The following NDE1 variants were observed in gnomAD, a reference collection of about 807,000 sequenced individuals.
NDE1 encodes nuclear distribution protein nudE homolog 1.
A neutral mutation model predicts 43.4 loss-of-function variants in NDE1; 28 were observed. The ratio of observed to expected loss-of-function variants is 0.65; its 90% CI spans 0.48 to 0.89. NDE1 has a LOEUF of 0.89. Among genes scored for constraint, NDE1 ranks in the 40% least tolerant of loss-of-function variants. NDE1 has a pLI of 0.00. For missense variants in NDE1, 441 were observed against 434.1 expected, an observed-to-expected ratio of 1.02 and a Z score of -0.14; for synonymous variants, 184 against 172.0, an observed-to-expected ratio of 1.07 and a Z score of -0.55.
chr16:15,676,297 C>T (rs2037877783), intron 3 of NDE1, among the ~76,000 whole-genome samples: 2 of 150,096 alleles, frequency 1.3e-5, no homozygotes, highest in African/African-American at 4.9e-5. Context: ...GCAACCTCCG[C>T]CTCCCGTGTT....
intron 8 of NDE1, among the ~76,000 whole-genome samples, chr16:15,722,596 G>A: frequency 6.6e-6 from 1 of 152,180 alleles, no homozygotes; most frequent in East Asian, 1.9e-4. Context: ...ACGAAGCATT[G>A]AAGATGAGCT....
intron 1 of NDE1, among the ~76,000 whole-genome samples, chr16:15,654,472 G>T (rs1370257993): frequency 1.3e-5 from 2 of 151,598 alleles, no homozygotes; most frequent in Non-Finnish European, 2.9e-5. Context: ...GTGGTGGCAT[G>T]CACCTGTAAT....
chr16:15,720,861 T>C (rs777737226), intron 8 of NDE1: 1 of 1,613,832 alleles, frequency 6.2e-7, no homozygotes, highest in African/African-American at 1.3e-5. Context: ...TTGCCTCCTC[T>C]TCTCCTCATT....
intron 1 of NDE1, among the ~76,000 whole-genome samples, chr16:15,663,428 G>C (rs561642708): frequency 6.6e-6 from 1 of 151,620 alleles, no homozygotes; most frequent in South Asian, 2.1e-4. Flanking sequence ...TTTTTTAGTA[G>C]AGACGGAGTT....
At position 15,718,306 on chromosome 16, in the gene NDE1, G is replaced by T. The variant is rs199798923; in HGVS notation, c.948-5885G>T. 8.1e-6 allele frequency: 13 copies of T among 1,608,136 alleles called. No individual in the cohort carries two copies. The African/African-American group carries it at 1.7e-4, about 21-fold the overall frequency. The stretch of plus-strand genomic sequence containing the variant: ...GGCAGCGTGACTGTGGTGTCCAGGC[G>T]GCCCTCACCTGCTGTGTGGCTTTGC... On this transcript the variant is annotated intron_variant, in intron 8 of 8. Transcript: ENST00000396354.
intron 6 of NDE1, 33 bp downstream of exon 6, chr16:15,691,356 G>C: frequency 6.2e-7 from 1 of 1,607,694 alleles, no homozygotes; most frequent in South Asian, 1.1e-5. Context: ...GATTTTCTCG[G>C]TTCACAAAGT....
At chr16:15,677,727 G>A (rs2037959654) in intron 3 of NDE1, 74 bp from the exon 4 acceptor site, 6 of 1,551,638 alleles carry the variant, frequency 3.9e-6, no homozygotes, top group Non-Finnish European at 5.3e-6. Flanking sequence ...GTGACTCCAG[G>A]TGGATGTGTG....
intron 8 of NDE1, among the ~76,000 whole-genome samples, chr16:15,707,630 C>G (rs2039526581): frequency 1.3e-5 from 2 of 152,174 alleles, no homozygotes; most frequent in South Asian, 4.1e-4. Context: ...AAGATGGACA[C>G]AAATGAGGGT....
rs201754049 is a variant in NDE1 at position 15,717,314 on chromosome 16, C to T, written c.948-6877C>T. 1.2e-5 allele frequency: 19 copies of T among 1,611,260 alleles called. No individual in the cohort carries two copies. The highest frequency in any genetic ancestry group is 8.0e-5 in the African/African-American group (6 of 75,074). ...ACTCTCATTCTTCTGGGCCGTGCTG[C>T]GCTCTGTGGCCAGCTCGTTGCTGAG... On this transcript the variant is annotated intron_variant, in intron 8 of 8. Transcript: ENST00000396354.
intron 8 of NDE1, among the ~76,000 whole-genome samples, chr16:15,702,302 AT>A (rs1018954578): frequency 2.6e-5 from 4 of 152,322 alleles, no homozygotes; most frequent in Admixed American, 2.0e-4. Context: ...AGAATGATTT[AT>A]TATGTTTTTA....
At chr16:15,692,132 C>T (rs553034290) in intron 6 of NDE1, among the ~76,000 whole-genome samples, 3 of 152,202 alleles carry the variant, frequency 2.0e-5, no homozygotes, top group East Asian at 1.9e-4. Context: ...AGGCCTTTTA[C>T]AGCAGATATT....
Position 15,708,764 on chromosome 16 carries a change from C to G in NDE1, c.947+11904C>G, listed in dbSNP as rs985428245. The stretch of plus-strand genomic sequence containing the variant: ...GCATTGGGCAGAAAAGAAATGGATA[C>G]TGAGACAACACACAGCTGCGAAGCT... On this transcript the variant is annotated intron_variant, in intron 8 of 8. Coordinates refer to ENST00000396354, the MANE Select transcript of NDE1 (RefSeq NM_017668.3). The G allele has an allele frequency of 3.8e-6, 6 of 1,590,946 alleles. No individual in the cohort carries two copies. In the African/African-American group the frequency reaches 8.0e-5, roughly 21 times the overall value.
intron 8 of NDE1, among the ~76,000 whole-genome samples, chr16:15,698,863 GAAA>G (rs113554590): frequency 7.2e-6 from 1 of 139,334 alleles, no homozygotes; most frequent in Non-Finnish European, 1.5e-5. Context: ...TCTTTCTCAA[GAAA>G]AAAAAAAAAA....
intron 8 of NDE1, 144 bp downstream of exon 8, chr16:15,697,004 C>CA (rs2039048867): frequency 6.5e-7 from 1 of 1,534,672 alleles, no homozygotes; most frequent in Admixed American, 2.0e-5. Context: ...CTGCTCCCTG[C>CA]AGGCAGCATT....
chr16:15,670,455 T>C (rs1190987523), intron 3 of NDE1, among the ~76,000 whole-genome samples: 1 of 151,890 alleles, frequency 6.6e-6, no homozygotes, highest in Admixed American at 6.6e-5. Context: ...GTTGGGAGTT[T>C]GAGACCAGCC....
At chr16:15,710,169 C>T (rs538124378) in intron 8 of NDE1, among the ~76,000 whole-genome samples, 1 of 152,142 alleles carries the variant, frequency 6.6e-6, no homozygotes, top group Non-Finnish European at 1.5e-5. Context: ...CCCTTGGCTG[C>T]CCAAGAAGGC....
At chr16:15,714,805 C>G in intron 8 of NDE1, 1 of 1,380,728 alleles carries the variant, frequency 7.2e-7, no homozygotes, top group Non-Finnish European at 1.0e-6. Context: ...AAGGGAGTGG[C>G]GGCTGTGGGC....
rs191866707 is a variant in NDE1 at position 15,694,530 on chromosome 16, A to G, written c.795+274A>G. The G allele has an allele frequency of 1.2e-3, 938 of 787,760 alleles. 1 individual carries two copies. Among genetic ancestry groups the G allele is most frequent in the Middle Eastern group, 2.0e-3 (3 of 1,508 alleles). The allele number at this position is 787,760 out of a possible 1,614,324, so 48.8% of individuals were successfully genotyped here. ...CTGGCTGATACTTTCATTTTTTTGT[A>G]GTAATGTGGGTATCGCTGTGTTGCC... On this transcript the variant is annotated intron_variant, in intron 7 of 8. Transcript: ENST00000396354.
In NDE1 at chr16:15,690,765, A is replaced by T. The variant is rs986002554; in HGVS notation, c.524-379A>T. Among the ~76,000 whole-genome samples the T allele has an allele frequency of 3.3e-5, 5 of 151,096 alleles. No individual in the cohort carries two copies. The East Asian group carries it at 7.8e-4, about 23-fold the overall frequency. On this transcript the variant is annotated intron_variant, in intron 5 of 8. Transcript: ENST00000396354. ...TTTTCTGACTGGTATCTACTGTTGA[A>T]CCTCTCTCCCTGCACCCCACCAACC...
Sources: allele counts gnomAD v4.1 joint callset (sites outside exome capture counted in the v4.1 genomes callset), GRCh38; gene constraint gnomAD v4.1.1; transcripts MANE v1.5; gene names NCBI Gene and HGNC (gene_info 2026-07-23, HGNC 2026-07-21).